Variants in GSG1 observed in about 807,000 individuals in gnomAD.
The protein encoded by GSG1 is germ cell-specific gene 1 protein.
A neutral mutation model predicts 30.8 loss-of-function variants in GSG1; 28 were observed. That is an observed-to-expected ratio of 0.91 (90% CI 0.67 to 1.25). GSG1 has a LOEUF of 1.25. Among genes scored for constraint, GSG1 ranks in the 50% most tolerant of loss-of-function variants. The pLI is 0.00. For synonymous variants in GSG1, 162 were observed against 178.0 expected, an observed-to-expected ratio of 0.91 and a Z score of 0.71; for missense variants, 435 against 444.7, an observed-to-expected ratio of 0.98 and a Z score of 0.20.
intron 3 of GSG1, 84 bp from the exon 4 acceptor site, chr12:13,088,993 G>T: frequency 1.3e-6 from 2 of 1,499,930 alleles, no homozygotes; most frequent in East Asian, 4.5e-5. Flanking sequence ...AACTGGTACT[G>T]CTCCCTCTGC....
rs769154993 is a variant in GSG1 at position 13,087,248 on chromosome 12, A to G, written c.650T>C (p.Val217Ala). ...GACTTGTGAATACATCATGTGGGCC[A>G]CCATCCCCAGGAGACCTACCAAGGA... is the stretch of plus-strand genomic sequence containing the variant. ...SSVLSGLLGMVAHMMYSQVFQ... is the reference protein window; with the variant it reads ...SSVLSGLLGMAAHMMYSQVFQ... Residue 217 changes from valine to alanine, a missense_variant, in exon 6 of 7, where the codon GTG (valine) becomes GCG (alanine). Transcript: ENST00000651961. 3 of 1,613,766 alleles carry G rather than the reference A, an allele frequency of 1.9e-6. No individual in the cohort carries two copies. Among genetic ancestry groups the G allele is most frequent in the Non-Finnish European group, 2.5e-6 (3 of 1,179,686 alleles).
chr12:13,084,751 C>A lies in GSG1; in HGVS notation c.*150G>T. On this transcript the variant is annotated 3_prime_UTR_variant, in exon 7 of 7. Transcript: ENST00000651961. ...AAGAGAGCAGTGGCACCCAGGAATC[C>A]CTTAGGACTTAAAGATAACCCTTAT... 2 of 576,024 alleles carry A rather than the reference C, an allele frequency of 3.5e-6. No homozygotes were observed. Among genetic ancestry groups the A allele is most frequent in the Non-Finnish European group, 3.1e-6 (1 of 326,566 alleles). 35.7% of individuals were successfully genotyped at this position (576,024 alleles called of 1,614,324 possible).
chr12:13,084,752 C>G lies in GSG1; in HGVS notation c.*149G>C. On this transcript the variant is annotated 3_prime_UTR_variant, in exon 7 of 7. Coordinates refer to ENST00000651961, the MANE Select transcript of GSG1 (RefSeq NM_001080555.4). ...AGAGAGCAGTGGCACCCAGGAATCC[C>G]TTAGGACTTAAAGATAACCCTTATT... 5.2e-6 allele frequency: 3 copies of G among 580,886 alleles called. No homozygotes were observed. The highest frequency in any genetic ancestry group is 9.1e-6 in the Non-Finnish European group (3 of 330,072). 36.0% of individuals were successfully genotyped at this position (580,886 alleles called of 1,614,324 possible). A position where few individuals can be genotyped will look rare whatever the true frequency, so the allele number is the denominator to read the frequency against.
At chr12:13,100,009 C>G (rs1320076875) in intron 1 of GSG1, among the ~76,000 whole-genome samples, 1 of 152,204 alleles carries the variant, frequency 6.6e-6, no homozygotes, top group African/African-American at 2.4e-5. Context: ...ATGTGCCTCT[C>G]TCGTGTAACT....
rs751872997 is a variant in GSG1, at chr12:13,090,761, T to C, written c.106A>G (p.Met36Val). The C allele has an allele frequency of 3.1e-6, 5 of 1,614,174 alleles. No homozygotes were observed. The highest frequency in any genetic ancestry group is 2.5e-6 in the Non-Finnish European group (3 of 1,180,036). The change falls in exon 2 of 7, where the codon ATG (methionine) becomes GTG (valine). Residue 36 changes from methionine (M) to valine (V), a missense_variant. Met to Val is a conservative substitution (Grantham distance 21). Transcript: ENST00000651961. ...GTTGTGGAGAAGCTGAGTGATAGCA[T>C]GCTGAGGATGGCAGATAGGAGTGTC... ...QRTLLSAILS[M>V]LSLSFSTTSL...
At chr12:13,099,750 G>GTTTTTTTTTTTTTTTTTTTT (rs57762367) in intron 1 of GSG1, among the ~76,000 whole-genome samples, 63 of 114,808 alleles carry the variant, frequency 5.5e-4, no homozygotes, top group African/African-American at 1.2e-3. Context: ...GTTTTTTTTT[G>GTTTTTTTTTTTTTTTTTTTT]TTTTTTTTTT....
intron 5 of GSG1, 150 bp downstream of exon 5, chr12:13,087,757 G>T: frequency 1.4e-6 from 1 of 712,250 alleles, no homozygotes; most frequent in Non-Finnish European, 2.2e-6. Flanking sequence ...AATTTTGTAT[G>T]TTACTTCAAT....
At chr12:13,100,447 G>A (rs1044227781) in intron 1 of GSG1, among the ~76,000 whole-genome samples, 1 of 152,136 alleles carries the variant, frequency 6.6e-6, no homozygotes, top group Non-Finnish European at 1.5e-5. Flanking sequence ...TGAGCAAAGC[G>A]CAGAAAACAG....
In GSG1 at chr12:13,088,931, G is replaced by A. The variant is rs758051940; in HGVS notation, c.434-22C>T. 6.2e-6 allele frequency: 10 copies of A among 1,613,388 alleles called. No individual in the cohort carries two copies. In the South Asian group the frequency reaches 7.7e-5, roughly 12 times the overall value. On this transcript the variant is annotated intron_variant, in intron 3 of 6. Transcript: ENST00000651961. Reference sequence around the variant, plus strand: ...TCCCCTGAAACATACAAGGTACAACGTCATGGAGCTACTCCCTGGGATGGT... The same window carrying A: ...TCCCCTGAAACATACAAGGTACAACATCATGGAGCTACTCCCTGGGATGGT...
chr12:13,097,377 T>G (rs1043745089), intron 1 of GSG1, among the ~76,000 whole-genome samples: 1 of 152,152 alleles, frequency 6.6e-6, no homozygotes, highest in African/African-American at 2.4e-5. Context: ...CTTATTTTTT[T>G]TTTTTAATTT....
Position 13,085,061 on chromosome 12 carries a change from C to A in GSG1, c.929G>T (p.Gly310Val). 1 of 1,604,608 alleles carries A rather than the reference C, an allele frequency of 6.2e-7. No individual in the cohort carries two copies. Among genetic ancestry groups the A allele is most frequent in the African/African-American group, 1.3e-5 (1 of 74,878 alleles). The stretch of plus-strand genomic sequence containing the variant: ...ATACTGGTGGTAGCTGGTCAAAGGA[C>A]CCACGGTGGGGGCTGCACTTGACAG... Reference protein sequence around the residue: ...RRLSSAAPTVGPLTSYHQYHN... With the variant: ...RRLSSAAPTVVPLTSYHQYHN... Residue 310 changes from glycine (G) to valine (V), a missense_variant, in exon 7 of 7, where the codon GGT becomes GTT. By Grantham distance (109) the Gly-to-Val change is moderately radical. Coordinates refer to ENST00000651961, the MANE Select transcript of GSG1 (RefSeq NM_001080555.4).
chr12:13,095,606 A>T, intron 1 of GSG1: 1 of 1,614,202 alleles, frequency 6.2e-7, no homozygotes, highest in Non-Finnish European at 8.5e-7. Context: ...TACCTTGGCC[A>T]TGGTCAGCGT....
rs1194336938 is a variant in GSG1 at position 13,088,901 on chromosome 12, A to G, written c.442T>C (p.Cys148Arg). The G allele has an allele frequency of 3.1e-6, 5 of 1,613,842 alleles. No homozygotes were observed. In the Admixed American group the frequency reaches 8.3e-5, roughly 27 times the overall value. ...SGTAAAKGER[C>R]RSFIELTPPA... ...GGTGTAAGTTCAATGAAACTTCGGC[A>G]CCTCTCCCCTGAAACATACAAGGTA... is the stretch of plus-strand genomic sequence containing the variant. Residue 148 changes from cysteine (C) to arginine (R), a missense_variant, in exon 4 of 7, where the codon TGC becomes CGC. Coordinates refer to ENST00000651961, the MANE Select transcript of GSG1 (RefSeq NM_001080555.4).
At chr12:13,096,317 CA>C (rs1284574784) in intron 1 of GSG1, among the ~76,000 whole-genome samples, 2 of 151,504 alleles carry the variant, frequency 1.3e-5, no homozygotes, top group Admixed American at 6.6e-5. Context: ...ACTAAAAACA[CA>C]AAAAAATTAG....
chr12:13,102,998 G>A (rs1036060323), intron 1 of GSG1, among the ~76,000 whole-genome samples: 3 of 152,364 alleles, frequency 2.0e-5, no homozygotes, highest in Admixed American at 6.5e-5. Flanking sequence ...GCAGGACCTT[G>A]GGGATGCCCC....
At chr12:13,091,856 G>A (rs1447539296) in intron 1 of GSG1, among the ~76,000 whole-genome samples, 3 of 152,146 alleles carry the variant, frequency 2.0e-5, no homozygotes, top group Admixed American at 6.5e-5. Flanking sequence ...GTGAAACTAC[G>A]ATCAAATAAA....
At chr12:13,099,677 G>A (rs1317115097) in intron 1 of GSG1, among the ~76,000 whole-genome samples, 6 of 151,938 alleles carry the variant, frequency 3.9e-5, no homozygotes, top group East Asian at 1.9e-4. Context: ...ATGCTGAGCC[G>A]GAGAGCAGGT....
intron 1 of GSG1, among the ~76,000 whole-genome samples, chr12:13,094,544 A>G (rs1866478940): frequency 6.6e-6 from 1 of 152,138 alleles, no homozygotes; most frequent in Admixed American, 6.5e-5. Flanking sequence ...CCCTTTCCTA[A>G]AATGTTTTCA....
Position 13,087,938 on chromosome 12 carries a change from G to C in GSG1, c.603C>G (p.Ser201Arg). The C allele has an allele frequency of 1.2e-6, 2 of 1,614,156 alleles. No homozygotes were observed. Among genetic ancestry groups the C allele is most frequent in the Non-Finnish European group, 1.7e-6 (2 of 1,180,010 alleles). Residue 201 changes from serine (S) to arginine (R), a missense_variant, in exon 5 of 7, where the codon AGC becomes AGG. Ser to Arg is a moderately radical substitution (Grantham distance 110, BLOSUM62 -1). Transcript: ENST00000651961. ...TGNPACGLKL[S>R]AFAAVSSVLS... ...GGACAGAGGAAACAGCAGCAAAGGC[G>C]CTCAGTTTGAGCCCACAGGCAGGGT... is the stretch of plus-strand genomic sequence containing the variant.
Sources: allele counts gnomAD v4.1 joint callset (sites outside exome capture counted in the v4.1 genomes callset), GRCh38; gene constraint gnomAD v4.1.1; transcripts MANE v1.5; gene names NCBI Gene and HGNC (gene_info 2026-07-23, HGNC 2026-07-21).